The following ZBTB7C variants were observed in gnomAD, a reference collection of about 807,000 sequenced individuals.
ZBTB7C encodes the protein zinc finger and BTB domain containing 7C, also known as zinc finger and BTB domain-containing protein 7C.
In ZBTB7C, 8 loss-of-function variants were observed where a neutral mutation model predicts 25.7. The ratio of observed to expected loss-of-function variants is 0.31; its 90% CI spans 0.18 to 0.56. ZBTB7C has a LOEUF of 0.56. Ranked by LOEUF, ZBTB7C falls within the 20% of genes least tolerant of loss-of-function variation. The probability of loss-of-function intolerance (pLI) is 0.91; values close to 1 mark genes in which losing one functional copy is unlikely to be tolerated. For missense variants in ZBTB7C, 824 were observed against 855.2 expected (o/e 0.96, Z 0.46); for synonymous variants, 394 against 369.0 (o/e 1.07, Z -0.78).
At chr18:48,124,899 T>C (rs2039750218) in intron 3 of ZBTB7C, among the ~76,000 whole-genome samples, 1 of 152,062 alleles carries the variant, frequency 6.6e-6, no homozygotes, top group Non-Finnish European at 1.5e-5. Context: ...GGTGGCCAGT[T>C]GGGACAGCCA....
At chr18:48,406,025 G>C (rs2048273740) in intron 1 of ZBTB7C, among the ~76,000 whole-genome samples, 1 of 152,128 alleles carries the variant, frequency 6.6e-6, no homozygotes, top group Admixed American at 6.5e-5. Flanking sequence ...AGTCATCCTG[G>C]GGAGAAGTCA....
At chr18:48,121,232 T>C (rs1252246445) in intron 3 of ZBTB7C, among the ~76,000 whole-genome samples, 1 of 152,106 alleles carries the variant, frequency 6.6e-6, no homozygotes, top group African/African-American at 2.4e-5. Flanking sequence ...GGAATACCCA[T>C]CTGGTGGCAA....
intron 1 of ZBTB7C, among the ~76,000 whole-genome samples, chr18:48,350,798 A>C (rs1447529542): frequency 6.6e-6 from 1 of 152,162 alleles, no homozygotes; most frequent in Non-Finnish European, 1.5e-5. Flanking sequence ...CAGTACCATA[A>C]TACTGTTCTG....
At chr18:48,139,294 G>A (rs1022608008) in intron 3 of ZBTB7C, among the ~76,000 whole-genome samples, 2 of 152,196 alleles carry the variant, frequency 1.3e-5, no homozygotes, top group African/African-American at 4.8e-5. Flanking sequence ...GTTTATGGGT[G>A]CAGCTTCTGG....
intron 2 of ZBTB7C, among the ~76,000 whole-genome samples, chr18:48,204,191 G>A (rs1218263163): frequency 6.6e-6 from 1 of 152,172 alleles, no homozygotes; most frequent in East Asian, 1.9e-4. Flanking sequence ...TGGATAGAAT[G>A]TGCCTGGAGA....
intron 1 of ZBTB7C, among the ~76,000 whole-genome samples, chr18:48,395,349 G>A (rs1402284524): frequency 9.1e-6 from 1 of 110,164 alleles, no homozygotes; most frequent in Admixed American, 9.7e-5. Context: ...TATGAATGTG[G>A]ATGTGTGCAT....
intron 3 of ZBTB7C, among the ~76,000 whole-genome samples, chr18:48,046,170 T>C (rs541644586): frequency 6.6e-6 from 1 of 152,378 alleles, no homozygotes; most frequent in African/African-American, 2.4e-5. Flanking sequence ...ACTACATTTT[T>C]GTGTTGTTAT....
At chr18:48,264,762 C>A (rs541999322) in intron 2 of ZBTB7C, among the ~76,000 whole-genome samples, 3 of 152,250 alleles carry the variant, frequency 2.0e-5, no homozygotes, top group South Asian at 4.1e-4. Flanking sequence ...GACACTCCCC[C>A]AAAAGGACTG....
intron 1 of ZBTB7C, among the ~76,000 whole-genome samples, chr18:48,349,496 A>AC (rs548047173): frequency 1.3e-5 from 2 of 152,048 alleles, no homozygotes; most frequent in Non-Finnish European, 2.9e-5. Context: ...AGATCCCTAC[A>AC]TAAGGGGGCG....
chr18:48,146,292 AT>A (rs979868866), intron 3 of ZBTB7C, among the ~76,000 whole-genome samples: 16 of 152,308 alleles, frequency 1.1e-4, no homozygotes, highest in Non-Finnish European at 2.2e-4. Context: ...TGTTTCCAAA[AT>A]TTTTTGTAAT....
chr18:48,034,655 C>T lies in ZBTB7C; in HGVS notation c.1209-4744G>A, dbSNP rs1053603872. Among the ~76,000 whole-genome samples the T allele has an allele frequency of 6.6e-5, 10 of 152,264 alleles. No individual in the cohort carries two copies. In the East Asian group the frequency reaches 1.4e-3, roughly 21 times the overall value. ...GTAGATAGAGAGGAGGCTCACTGCG[C>T]GTTTGGTGACTGACTAGTGGTGCCA... is the stretch of plus-strand genomic sequence containing the variant. On this transcript the variant is annotated intron_variant, in intron 4 of 4. Transcript: ENST00000590800.
chr18:48,041,841 T>C (rs140857243), intron 3 of ZBTB7C, among the ~76,000 whole-genome samples: 20 of 152,280 alleles, frequency 1.3e-4, no homozygotes, highest in African/African-American at 3.9e-4. Flanking sequence ...CAATATTCAA[T>C]ATAAATATAA....
intron 2 of ZBTB7C, among the ~76,000 whole-genome samples, chr18:48,290,516 C>T (rs944448932): frequency 6.6e-6 from 1 of 152,236 alleles, no homozygotes; most frequent in Admixed American, 6.5e-5. Context: ...GCAGGGTAGA[C>T]CCTAATTATC....
At chr18:48,178,518 CT>C (rs1278524731) in intron 3 of ZBTB7C, among the ~76,000 whole-genome samples, 2 of 152,108 alleles carry the variant, frequency 1.3e-5, no homozygotes, top group South Asian at 4.2e-4. Context: ...TTCTTTCTTT[CT>C]TTTTTTGGTT....
intron 3 of ZBTB7C, among the ~76,000 whole-genome samples, chr18:48,159,487 A>G (rs937247684): frequency 3.3e-5 from 5 of 152,212 alleles, no homozygotes; most frequent in African/African-American, 1.2e-4. Flanking sequence ...TCATCACAAG[A>G]AAGTCAGATG....
At chr18:48,314,473 T>C (rs2045901201) in intron 2 of ZBTB7C, among the ~76,000 whole-genome samples, 1 of 152,186 alleles carries the variant, frequency 6.6e-6, no homozygotes, top group African/African-American at 2.4e-5. Context: ...ACTAAACTTC[T>C]CATTGCTTAT....
chr18:48,105,889 T>A (rs1242222727), intron 3 of ZBTB7C, among the ~76,000 whole-genome samples: 1 of 152,152 alleles, frequency 6.6e-6, no homozygotes, highest in Non-Finnish European at 1.5e-5. Context: ...AATATACAAC[T>A]CCAAATGCTA....
upstream of ZBTB7C, among the ~76,000 whole-genome samples, chr18:48,409,722 G>C (rs1011172456): frequency 1.3e-5 from 2 of 152,166 alleles, no homozygotes; most frequent in Admixed American, 1.3e-4. Flanking sequence ...CGGGAGTCAG[G>C]ACCCGACGCG....
chr18:48,114,257 C>A (rs1439047067), intron 3 of ZBTB7C, among the ~76,000 whole-genome samples: 1 of 152,132 alleles, frequency 6.6e-6, no homozygotes, highest in South Asian at 2.1e-4. Context: ...ACATGCACAC[C>A]CTCTGACCCA....
Sources: allele counts gnomAD v4.1 joint callset (sites outside exome capture counted in the v4.1 genomes callset), GRCh38; gene constraint gnomAD v4.1.1; transcripts MANE v1.5; gene names NCBI Gene and HGNC (gene_info 2026-07-23, HGNC 2026-07-21).